DNAH11: variants seen among roughly 807,000 people sequenced by gnomAD.
DNAH11 encodes the protein axonemal beta dynein heavy chain 11.
DNAH11 carries 442 observed loss-of-function variants against 526.0 expected under a neutral mutation model. The observed-to-expected ratio is 0.84, with a 90% CI of 0.78 to 0.91. The LOEUF (loss-of-function observed/expected upper bound fraction) is 0.91. DNAH11 is among the 40% of genes least tolerant of loss of function. The probability of loss-of-function intolerance (pLI) is 0.00; values close to 1 mark genes in which losing one functional copy is unlikely to be tolerated. For synonymous variants in DNAH11, 2,461 were observed against 1,935.9 expected (o/e 1.27, Z -7.12); for missense variants, 6,989 against 5,448.7 (o/e 1.28, Z -8.90).
chr7:21,720,984 C>T (rs1583626420), intron 44 of DNAH11, 128 bp downstream of exon 44: 1 of 1,216,500 alleles, frequency 8.2e-7, no homozygotes, highest in Non-Finnish European at 1.1e-6. Flanking sequence ...CCTGTTCTCT[C>T]CTAAGTCTAT....
At chr7:21,577,186 C>T (rs948826852) in intron 8 of DNAH11, among the ~76,000 whole-genome samples, 2 of 152,190 alleles carry the variant, frequency 1.3e-5, no homozygotes, top group East Asian at 1.9e-4. Context: ...CCTGATCTCT[C>T]CCTAGCCAAA....
Position 21,582,059 on chromosome 7 carries a change from A to G in DNAH11, c.1710+38A>G, listed in dbSNP as rs562627474. ...GAAGCTATCATAAAAAACGTTTACT[A>G]TGAATAATATAGGCTGTTAAATGAA... On this transcript the variant is annotated intron_variant, in intron 9 of 81. Transcript: ENST00000409508. 78 of 1,324,570 alleles carry G rather than the reference A, an allele frequency of 5.9e-5. 3 individuals are homozygous for G. The Middle Eastern group carries it at 8.6e-4, about 15-fold the overall frequency. 82.1% of individuals were successfully genotyped at this position (1,324,570 alleles called of 1,614,324 possible). A position where few individuals can be genotyped will look rare whatever the true frequency, so the allele number is the denominator to read the frequency against.
chr7:21,731,470 A>G (rs759274313), intron 45 of DNAH11, among the ~76,000 whole-genome samples: 6 of 152,348 alleles, frequency 3.9e-5, no homozygotes, highest in Middle Eastern at 3.4e-3. Flanking sequence ...AGTAAGAAAA[A>G]TTACCTAGAC....
At chr7:21,623,292 A>G (rs1301936787) in intron 25 of DNAH11, among the ~76,000 whole-genome samples, 37 of 150,476 alleles carry the variant, frequency 2.5e-4, no homozygotes, top group African/African-American at 8.3e-4. Context: ...TTAGAATGGC[A>G]ATCATTAAAA....
chr7:21,765,183 G>C (rs920727429), intron 54 of DNAH11, among the ~76,000 whole-genome samples: 1 of 151,582 alleles, frequency 6.6e-6, no homozygotes, highest in Non-Finnish European at 1.5e-5. Context: ...AAATGTTTAA[G>C]CAAAGAGAGA....
Position 21,748,687 on chromosome 7 carries a change from G to T in DNAH11, c.8618G>T (p.Gly2873Val). Residue 2873 changes from glycine (G) to valine (V), a missense_variant, in exon 52 of 82, where the codon GGC becomes GTC. By Grantham distance (109) the Gly-to-Val change is moderately radical. Coordinates refer to ENST00000409508, the MANE Select transcript of DNAH11 (RefSeq NM_001277115.2). ...SLSRLAAYLR[G>V]LEVFQITLTE... ...TCCAGGCTGGCAGCTTACCTTCGTG[G>T]CCTTGAGGTCTTTCAGATCACTCTG... 1 of 1,613,576 alleles carries T rather than the reference G, an allele frequency of 6.2e-7. No homozygotes were observed. Among genetic ancestry groups the T allele is most frequent in the Non-Finnish European group, 8.5e-7 (1 of 1,179,696 alleles).
chr7:21,827,516 A>T (rs1295555173), intron 65 of DNAH11, among the ~76,000 whole-genome samples: 1 of 151,928 alleles, frequency 6.6e-6, no homozygotes. Flanking sequence ...GTATATACAT[A>T]TATTATTAAA....
chr7:21,631,019 A>C (rs1330780716), intron 25 of DNAH11, among the ~76,000 whole-genome samples: 1 of 152,184 alleles, frequency 6.6e-6, no homozygotes, highest in East Asian at 1.9e-4. Flanking sequence ...TGGGCAATTT[A>C]CAAAAGAAAG....
chr7:21,839,314 C>T (rs1782114095), intron 65 of DNAH11, among the ~76,000 whole-genome samples: 1 of 152,046 alleles, frequency 6.6e-6, no homozygotes. Flanking sequence ...GTGACTCACG[C>T]CTGTAATCCC....
intron 34 of DNAH11, among the ~76,000 whole-genome samples, chr7:21,689,844 A>G (rs898817460): frequency 9.9e-5 from 15 of 152,124 alleles, no homozygotes; most frequent in African/African-American, 3.6e-4. Flanking sequence ...GATCAGCCTT[A>G]TATTTTGTCT....
chr7:21,830,175 T>C (rs2128008126), intron 65 of DNAH11, among the ~76,000 whole-genome samples: 1 of 152,364 alleles, frequency 6.6e-6, no homozygotes, highest in Middle Eastern at 3.4e-3. Flanking sequence ...ATAATTCATT[T>C]GGTTAACTAG....
intron 30 of DNAH11, among the ~76,000 whole-genome samples, chr7:21,661,702 G>C (rs1782248124): frequency 6.6e-6 from 1 of 152,034 alleles, no homozygotes; most frequent in Non-Finnish European, 1.5e-5. Context: ...TTAGCTATGT[G>C]ACTATGGACA....
At chr7:21,691,240 G>C (rs1394083433) in intron 35 of DNAH11, among the ~76,000 whole-genome samples, 2 of 149,312 alleles carry the variant, frequency 1.3e-5, no homozygotes, top group African/African-American at 4.9e-5. Flanking sequence ...AGGAGGAAAT[G>C]CTAACACAAA....
intron 76 of DNAH11, among the ~76,000 whole-genome samples, chr7:21,888,412 AC>A (rs2128045655): frequency 6.6e-6 from 1 of 152,336 alleles, no homozygotes; most frequent in South Asian, 2.1e-4. Context: ...ATGGAGTCCA[AC>A]ATAGTGGGCT....
chr7:21,799,510 G>T (rs1788873443), intron 61 of DNAH11, among the ~76,000 whole-genome samples: 1 of 151,792 alleles, frequency 6.6e-6, no homozygotes, highest in South Asian at 2.1e-4. Context: ...GCTAATTTTT[G>T]TATTTTTAGT....
chr7:21,818,075 G>T, intron 64 of DNAH11, 142 bp from the exon 65 acceptor site: 1 of 707,070 alleles, frequency 1.4e-6, no homozygotes, highest in South Asian at 2.2e-5. Flanking sequence ...TAGTGGAAGG[G>T]AACTACTACT....
chr7:21,649,458 T>C (rs959322337), intron 28 of DNAH11, among the ~76,000 whole-genome samples: 2 of 152,130 alleles, frequency 1.3e-5, no homozygotes, highest in African/African-American at 4.8e-5. Context: ...GAATACCACA[T>C]AGCAATAAAA....
intron 25 of DNAH11, among the ~76,000 whole-genome samples, chr7:21,624,001 AAAAG>A (rs1224755886): frequency 6.6e-6 from 1 of 151,596 alleles, no homozygotes; most frequent in East Asian, 1.9e-4. Context: ...AAAATAAAAA[AAAAG>A]AATCCACTTT....
chr7:21,770,458 A>G (rs1372866624), intron 55 of DNAH11, among the ~76,000 whole-genome samples: 2 of 152,098 alleles, frequency 1.3e-5, no homozygotes, highest in Non-Finnish European at 2.9e-5. Flanking sequence ...TGGCTTTTGG[A>G]GCATTTCAGA....
Sources: allele counts gnomAD v4.1 joint callset (sites outside exome capture counted in the v4.1 genomes callset), GRCh38; gene constraint gnomAD v4.1.1; transcripts MANE v1.5; gene names NCBI Gene and HGNC (gene_info 2026-07-23, HGNC 2026-07-21).